ZNF385D: variants seen among roughly 807,000 people sequenced by gnomAD.
The protein encoded by ZNF385D is zinc finger protein 659.
In ZNF385D, 15 loss-of-function variants were observed where a neutral mutation model predicts 35.8. That is an observed-to-expected ratio of 0.42 (90% CI 0.28 to 0.64). The LOEUF (loss-of-function observed/expected upper bound fraction) is 0.64. ZNF385D is among the 30% of genes least tolerant of loss of function. ZNF385D has a pLI of 0.23. For synonymous variants in ZNF385D, 212 were observed against 186.8 expected (o/e 1.13, Z -1.10); for missense variants, 474 against 494.6 (o/e 0.96, Z 0.39).
intron 2 of ZNF385D, among the ~76,000 whole-genome samples, chr3:22,230,573 G>A (rs887633055): frequency 1.3e-5 from 2 of 152,074 alleles, no homozygotes; most frequent in African/African-American, 4.8e-5. Context: ...GAAAAAATAA[G>A]CACAACCAGT....
chr3:21,936,999 G>T (rs370639075), intron 3 of ZNF385D, among the ~76,000 whole-genome samples: 2 of 152,076 alleles, frequency 1.3e-5, no homozygotes, highest in African/African-American at 2.4e-5. Context: ...GATATAAAAG[G>T]TTGTAATGTA....
At chr3:21,774,703 T>C (rs1362555919) in intron 3 of ZNF385D, among the ~76,000 whole-genome samples, 1 of 151,642 alleles carries the variant, frequency 6.6e-6, no homozygotes, top group Admixed American at 6.6e-5. Flanking sequence ...TGTGATGGGG[T>C]TGATGAAGGA....
intron 3 of ZNF385D, among the ~76,000 whole-genome samples, chr3:21,979,292 T>A (rs1249153763): frequency 6.6e-6 from 1 of 152,222 alleles, no homozygotes; most frequent in Non-Finnish European, 1.5e-5. Context: ...TATTATATTA[T>A]GTATATTTAA....
chr3:21,992,837 A>G (rs556722918), intron 3 of ZNF385D, among the ~76,000 whole-genome samples: 1 of 152,284 alleles, frequency 6.6e-6, no homozygotes, highest in East Asian at 1.9e-4. Context: ...ATTATTTGCA[A>G]TAAAAATCTT....
intron 3 of ZNF385D, among the ~76,000 whole-genome samples, chr3:22,127,856 T>C (rs1010404731): frequency 6.6e-6 from 1 of 152,184 alleles, no homozygotes; most frequent in African/African-American, 2.4e-5. Context: ...ACTATCTATG[T>C]CTTTAAAAGT....
intron 4 of ZNF385D, among the ~76,000 whole-genome samples, chr3:21,472,955 T>C (rs936547611): frequency 1.2e-4 from 18 of 152,256 alleles, no homozygotes; most frequent in South Asian, 4.1e-4. Flanking sequence ...GAGTTTTTTT[T>C]CAGAATACCA....
intron 5 of ZNF385D, among the ~76,000 whole-genome samples, chr3:21,432,478 A>C (rs1701338655): frequency 6.6e-6 from 1 of 152,144 alleles, no homozygotes. Flanking sequence ...ATTAGTAATG[A>C]GCTTTAACTA....
At chr3:22,028,466 C>A (rs553632490) in intron 3 of ZNF385D, among the ~76,000 whole-genome samples, 1 of 152,152 alleles carries the variant, frequency 6.6e-6, no homozygotes, top group African/African-American at 2.4e-5. Context: ...GCAGCAGAGA[C>A]CAACACTGAG....
In ZNF385D at chr3:22,237,259, C is replaced by A. The variant is rs370179989; in HGVS notation, c.107-68224G>T. The stretch of plus-strand genomic sequence containing the variant: ...AATATTTTATAATAGTACTGACTTC[C>A]ATTTACCTAATTTTAAATGAGTTGA... On this transcript the variant is annotated intron_variant, in intron 2 of 5. Coordinates refer to the ZNF385D transcript ENST00000494108. 5.3e-5 allele frequency among the ~76,000 whole-genome samples: 8 copies of A among 152,216 alleles called. No individual in the cohort carries two copies. The East Asian group carries it at 1.2e-3, about 22-fold the overall frequency.
intron 2 of ZNF385D, among the ~76,000 whole-genome samples, chr3:22,170,646 T>C (rs1242627274): frequency 6.6e-6 from 1 of 152,142 alleles, no homozygotes; most frequent in African/African-American, 2.4e-5. Flanking sequence ...TAAAAGAAAA[T>C]TTATAGACTT....
intron 3 of ZNF385D, among the ~76,000 whole-genome samples, chr3:22,034,008 A>G (rs1377314542): frequency 6.6e-6 from 1 of 152,274 alleles, no homozygotes; most frequent in East Asian, 1.9e-4. Flanking sequence ...TTTAAAACGT[A>G]AAGTCCTGCT....
intron 3 of ZNF385D, among the ~76,000 whole-genome samples, chr3:22,006,395 C>A (rs1299127152): frequency 6.6e-6 from 1 of 152,030 alleles, no homozygotes; most frequent in Non-Finnish European, 1.5e-5. Context: ...TAGAAATGTT[C>A]ATGACACACT....
intron 1 of ZNF385D, among the ~76,000 whole-genome samples, chr3:21,714,132 T>G (rs1434596442): frequency 2.0e-5 from 3 of 152,172 alleles, no homozygotes; most frequent in African/African-American, 4.8e-5. Flanking sequence ...TACAGCTGAT[T>G]TGGTGAGAGA....
At chr3:21,938,679 C>T (rs978650485) in intron 3 of ZNF385D, among the ~76,000 whole-genome samples, 3 of 152,184 alleles carry the variant, frequency 2.0e-5, no homozygotes, top group Non-Finnish European at 2.9e-5. Context: ...TGCACTCACA[C>T]GCATTCCTTT....
chr3:21,660,604 A>G (rs1461100382), intron 2 of ZNF385D, among the ~76,000 whole-genome samples: 1 of 152,212 alleles, frequency 6.6e-6, no homozygotes, highest in Admixed American at 6.6e-5. Flanking sequence ...AGAGAAATAA[A>G]GAATAAAAGG....
At chr3:22,025,430 C>T (rs1697478967) in intron 3 of ZNF385D, among the ~76,000 whole-genome samples, 1 of 152,184 alleles carries the variant, frequency 6.6e-6, no homozygotes, top group Admixed American at 6.5e-5. Context: ...TCGAAAAGAA[C>T]TTTGAGTTCT....
At chr3:22,124,991 C>G (rs959803071) in intron 3 of ZNF385D, among the ~76,000 whole-genome samples, 2 of 151,986 alleles carry the variant, frequency 1.3e-5, no homozygotes, top group East Asian at 1.9e-4. Context: ...AAATATTTTC[C>G]CAGACCAACA....
At chr3:21,461,026 A>G (rs1703135789) in intron 4 of ZNF385D, among the ~76,000 whole-genome samples, 1 of 152,208 alleles carries the variant, frequency 6.6e-6, no homozygotes, top group Non-Finnish European at 1.5e-5. Context: ...AAATGTGGAA[A>G]CAAAAATTGA....
At chr3:21,511,634 G>A (rs1478943028) in intron 3 of ZNF385D, 1 of 453,942 alleles carries the variant, frequency 2.2e-6, no homozygotes, top group African/African-American at 2.0e-5. Context: ...AGGGTAGTCT[G>A]AGAAGTTCAA....
Sources: gnomAD v4.1 joint callset for allele counts (sites outside exome capture counted in the v4.1 genomes callset) on GRCh38, gnomAD v4.1.1 for gene constraint, MANE v1.5 for transcripts, NCBI Gene and HGNC (gene_info 2026-07-23, HGNC 2026-07-21) for gene names.